The following DLG5 variants were observed in gnomAD, a reference collection of about 807,000 sequenced individuals.
DLG5 encodes discs large MAGUK scaffold protein 5.
DLG5 carries 48 observed loss-of-function variants against 189.8 expected under a neutral mutation model. That is an observed-to-expected ratio of 0.25 (90% confidence interval 0.20 to 0.32). The LOEUF is 0.32. DLG5 is among the 10% of genes least tolerant of loss of function. DLG5 has a pLI of 1.00. For synonymous variants in DLG5, 1,016 were observed against 1,054.1 expected (o/e 0.96, Z 0.70); for missense variants, 2,160 against 2,544.7 (o/e 0.85, Z 3.25).
chr10:77,894,445 A>G (rs1045462482), intron 1 of DLG5, among the ~76,000 whole-genome samples: 3 of 151,074 alleles, frequency 2.0e-5, no homozygotes, highest in Middle Eastern at 6.9e-3. Context: ...CAATGTTAAT[A>G]GGGTTGCCTC....
At chr10:77,813,254 A>G (rs1841873742) in intron 20 of DLG5, among the ~76,000 whole-genome samples, 1 of 152,172 alleles carries the variant, frequency 6.6e-6, no homozygotes, top group Non-Finnish European at 1.5e-5. Flanking sequence ...CCATATAGCC[A>G]AAGGCTGAGG....
At chr10:77,893,356 A>G (rs1480540367) in intron 1 of DLG5, among the ~76,000 whole-genome samples, 1 of 152,130 alleles carries the variant, frequency 6.6e-6, no homozygotes. Flanking sequence ...ATGCTGCCAC[A>G]TTTTCCTTAT....
intron 1 of DLG5, among the ~76,000 whole-genome samples, chr10:77,921,936 T>G (rs1490766165): frequency 6.6e-6 from 1 of 152,202 alleles, no homozygotes; most frequent in Non-Finnish European, 1.5e-5. Context: ...TGGGAATGAC[T>G]TGAGGAGTCC....
chr10:77,902,582 C>T lies in DLG5; in HGVS notation c.304+23635G>A, dbSNP rs116816307. Among the ~76,000 whole-genome samples the T allele has an allele frequency of 4.0e-3, 610 of 152,268 alleles. 3 individuals carry two copies. Among genetic ancestry groups the T allele is most frequent in the African/African-American group, 0.014 (585 of 41,564 alleles). ...CCATTAAAAACGAGCCATTGAGGGC[C>T]GGGCGCGGTGGCTCATACCTGTAAT... On this transcript the variant is annotated intron_variant, in intron 1 of 31. Transcript: ENST00000372391.
chr10:77,924,065 A>G (rs1302178984), intron 1 of DLG5, among the ~76,000 whole-genome samples: 1 of 152,056 alleles, frequency 6.6e-6, no homozygotes, highest in African/African-American at 2.4e-5. Context: ...GGGTTTCACC[A>G]TGTTGGCCAG....
intron 9 of DLG5, among the ~76,000 whole-genome samples, chr10:77,833,258 A>G (rs1424931954): frequency 6.6e-6 from 1 of 152,178 alleles, no homozygotes; most frequent in Non-Finnish European, 1.5e-5. Flanking sequence ...AATCGAGGGG[A>G]GGATGTCTGA....
At chr10:77,897,637 A>G (rs1845801631) in intron 1 of DLG5, among the ~76,000 whole-genome samples, 1 of 151,488 alleles carries the variant, frequency 6.6e-6, no homozygotes, top group South Asian at 2.1e-4. Flanking sequence ...CAGCCTGGGC[A>G]ACATAGTGAG....
At chr10:77,833,550 AGTG>A (rs1842977391) in intron 9 of DLG5, among the ~76,000 whole-genome samples, 1 of 85,118 alleles carries the variant, frequency 1.2e-5, no homozygotes, top group Non-Finnish European at 2.8e-5. Flanking sequence ...TCTGCGAGTG[AGTG>A]AGTGAGTGAG....
intron 27 of DLG5, among the ~76,000 whole-genome samples, chr10:77,803,600 C>T (rs572024009): frequency 1.3e-5 from 2 of 151,990 alleles, no homozygotes; most frequent in African/African-American, 4.8e-5. Flanking sequence ...CATTTTATAA[C>T]GATAAAAAGG....
intron 14 of DLG5, 93 bp from the exon 15 acceptor site, chr10:77,822,194 C>T: frequency 7.1e-7 from 1 of 1,404,408 alleles, no homozygotes; most frequent in Non-Finnish European, 9.6e-7. Flanking sequence ...AAGCAATGGT[C>T]AGGAATGGGC....
chr10:77,800,673 A>G (rs116677975), intron 27 of DLG5, among the ~76,000 whole-genome samples: 2,271 of 152,342 alleles, frequency 0.015, 54 homozygotes, highest in African/African-American at 0.052. Flanking sequence ...ATTCCAGAGG[A>G]AGGGAAGGGC....
intron 1 of DLG5, among the ~76,000 whole-genome samples, chr10:77,870,536 T>C (rs1278835831): frequency 6.6e-6 from 1 of 151,884 alleles, no homozygotes; most frequent in Non-Finnish European, 1.5e-5. Flanking sequence ...TACAAAAAAT[T>C]AGCTGGGCGT....
intron 1 of DLG5, among the ~76,000 whole-genome samples, chr10:77,883,218 C>T (rs1434373751): frequency 6.6e-6 from 1 of 152,034 alleles, no homozygotes; most frequent in Non-Finnish European, 1.5e-5. Flanking sequence ...TAGGATGTTC[C>T]CACAAGAGCT....
chr10:77,877,982 G>T (rs1299944608), intron 1 of DLG5, among the ~76,000 whole-genome samples: 1 of 152,206 alleles, frequency 6.6e-6, no homozygotes, highest in Non-Finnish European at 1.5e-5. Flanking sequence ...CATCCCCCGG[G>T]GGCCATGTCT....
At chr10:77,930,531 A>G (rs1846777041), upstream of DLG5, among the ~76,000 whole-genome samples, 2 of 151,300 alleles carry the variant, frequency 1.3e-5, no homozygotes, top group East Asian at 3.9e-4. Flanking sequence ...TATTTTTAGT[A>G]GAGACGGGGG....
chr10:77,801,947 C>G (rs541331997), intron 27 of DLG5, among the ~76,000 whole-genome samples: 3 of 152,346 alleles, frequency 2.0e-5, no homozygotes, highest in African/African-American at 4.8e-5. Flanking sequence ...CCCACGGGTC[C>G]TCTGAGAGGC....
At chr10:77,923,227 A>G (rs1427571544) in intron 1 of DLG5, among the ~76,000 whole-genome samples, 9 of 152,236 alleles carry the variant, frequency 5.9e-5, no homozygotes, top group African/African-American at 1.7e-4. Flanking sequence ...ACTGAGGCCA[A>G]TTCAAACCCA....
upstream of DLG5, chr10:77,927,034 C>T (rs767090015): frequency 7.4e-6 from 2 of 269,618 alleles, no homozygotes; most frequent in South Asian, 6.1e-5. Context: ...CCCCCGTGCA[C>T]CCCGGCCCGG....
chr10:77,918,868 C>A (rs1393626573), intron 1 of DLG5, among the ~76,000 whole-genome samples: 4 of 152,082 alleles, frequency 2.6e-5, no homozygotes, highest in Admixed American at 6.6e-5. Flanking sequence ...GACTATAGAG[C>A]CCCCTCGCAT....
Sources: gnomAD v4.1 joint callset for allele counts (sites outside exome capture counted in the v4.1 genomes callset) on GRCh38, gnomAD v4.1.1 for gene constraint, MANE v1.5 for transcripts, NCBI Gene and HGNC (gene_info 2026-07-23, HGNC 2026-07-21) for gene names.